The following NHLRC3 variants were observed in gnomAD, a reference collection of about 807,000 sequenced individuals.
NHLRC3 encodes NHL repeat containing 3.
Under a neutral mutation model 32.0 loss-of-function variants are expected in NHLRC3, and 23 were observed. The ratio of observed to expected loss-of-function variants is 0.72; its 90% CI spans 0.52 to 1.02. NHLRC3 has a LOEUF of 1.02. NHLRC3 is among the 50% of genes least tolerant of loss of function. The probability of loss-of-function intolerance (pLI) is 0.00; values close to 1 mark genes in which losing one functional copy is unlikely to be tolerated. For synonymous variants in NHLRC3, 159 were observed against 147.9 expected (o/e 1.08, Z -0.55); for missense variants, 407 against 406.8 (o/e 1.00, Z -0.01).
intron 4 of NHLRC3, among the ~76,000 whole-genome samples, chr13:39,043,145 T>G (rs759128588): frequency 2.6e-5 from 4 of 152,194 alleles, no homozygotes; most frequent in Non-Finnish European, 5.9e-5. Context: ...AGTCAATTTA[T>G]CAATTAGTAA....
chr13:39,046,283 C>T (rs1227837931), intron 5 of NHLRC3, among the ~76,000 whole-genome samples: 1 of 152,162 alleles, frequency 6.6e-6, no homozygotes, highest in Non-Finnish European at 1.5e-5. Flanking sequence ...TGCGCCACTG[C>T]ACTCCAGCCT....
chr13:39,044,080 C>T lies in NHLRC3; in HGVS notation c.587-10C>T. 1 of 1,594,072 alleles carries T rather than the reference C, an allele frequency of 6.3e-7. No homozygotes were observed. Among genetic ancestry groups the T allele is most frequent in the Non-Finnish European group, 8.6e-7 (1 of 1,161,878 alleles). On this transcript the variant is annotated splice_polypyrimidine_tract_variant and intron_variant, in intron 4 of 6. Coordinates refer to ENST00000379600, the MANE Select transcript of NHLRC3 (RefSeq NM_001012754.4). ...ATGTTGCTCTGACTATATATTTTTACCGTTTATAGATTTCATGATCCTTTG... is the reference window on the plus strand; with the variant it reads ...ATGTTGCTCTGACTATATATTTTTATCGTTTATAGATTTCATGATCCTTTG...
chr13:39,040,261 T>A (rs1417832297), intron 3 of NHLRC3: 2 of 151,814 alleles, frequency 1.3e-5, no homozygotes, highest in African/African-American at 2.4e-5. Flanking sequence ...TTGTCTAGGG[T>A]CTTTTCCTCT....
chr13:39,045,504 ATAAT>A (rs1871634340), intron 5 of NHLRC3, among the ~76,000 whole-genome samples: 2 of 152,202 alleles, frequency 1.3e-5, no homozygotes, highest in African/African-American at 2.4e-5. Flanking sequence ...AGCATTTTAC[ATAAT>A]TAATTCATTT....
chr13:39,042,399 C>T (rs1309956833), intron 4 of NHLRC3, 94 bp downstream of exon 4: 30 of 778,816 alleles, frequency 3.9e-5, no homozygotes, highest in South Asian at 3.5e-4. Context: ...GTGTATGAAG[C>T]GGTGTGTAAA....
chr13:39,039,078 C>CGTT, intron 1 of NHLRC3, 58 bp from the exon 2 acceptor site: 120 of 1,037,854 alleles, frequency 1.2e-4, no homozygotes, highest in Non-Finnish European at 1.6e-4. Flanking sequence ...CCCCCCCGCC[C>CGTT]TTTTTTTGTT....
At chr13:39,043,972 C>G in intron 4 of NHLRC3, 118 bp from the exon 5 acceptor site, 3 of 746,476 alleles carry the variant, frequency 4.0e-6, no homozygotes, top group Non-Finnish European at 7.0e-6. Flanking sequence ...GCCGAGAAAG[C>G]ATAGTCAAGT....
In NHLRC3 at chr13:39,042,088, C is replaced by T; in HGVS notation, c.386-17C>T. ...ATAGTGGTTTTATTTGTGAGATGTA[C>T]ATATCTATCTTTATAGGATTCTTTG... On this transcript the variant is annotated splice_polypyrimidine_tract_variant and intron_variant, in intron 3 of 6. Transcript: ENST00000379600. The T allele has an allele frequency of 7.1e-7, 1 of 1,417,840 alleles. No individual in the cohort carries two copies. Among genetic ancestry groups the T allele is most frequent in the Non-Finnish European group, 1.0e-6 (1 of 1,002,228 alleles). The allele number at this position is 1,417,840 out of a possible 1,614,324, so 87.8% of individuals were successfully genotyped here.
chr13:39,047,677 T>A lies in NHLRC3; in HGVS notation c.795T>A (p.Phe265Leu), dbSNP rs2138158373. The change falls in exon 7 of 7, where the codon TTT becomes TTA. Residue 265 changes from phenylalanine (F) to leucine (L), a missense_variant. Transcript: ENST00000379600. ...FTEEGPSSVR[F>L]TPDGKYLIVA... ...TGTTAAATGTCTTTCTCCTTAGGTT[T>A]ACTCCTGATGGGAAGTACTTGATTG... 1 of 1,612,516 alleles carries A rather than the reference T, an allele frequency of 6.2e-7. No individual in the cohort carries two copies. The highest frequency in any genetic ancestry group is 2.2e-5 in the East Asian group (1 of 44,828).
chr13:39,039,078 C>CCCCGT, intron 1 of NHLRC3, 58 bp from the exon 2 acceptor site: 1 of 1,038,072 alleles, frequency 9.6e-7, no homozygotes, highest in Non-Finnish European at 1.4e-6. Flanking sequence ...CCCCCCCGCC[C>CCCCGT]TTTTTTTGTT....
At chr13:39,043,887 T>G (rs750315030) in intron 4 of NHLRC3, among the ~76,000 whole-genome samples, 1 of 151,958 alleles carries the variant, frequency 6.6e-6, no homozygotes, top group Non-Finnish European at 1.5e-5. Flanking sequence ...AGAAGTAGAT[T>G]AATTCCCTAA....
In NHLRC3 at chr13:39,047,128, C is replaced by G. The variant is rs774996953; in HGVS notation, c.767C>G (p.Thr256Arg). 6.9e-6 allele frequency: 11 copies of G among 1,604,670 alleles called. No individual in the cohort carries two copies. In the African/African-American group the frequency reaches 1.1e-4, roughly 16 times the overall value. Residue 256 changes from threonine (T) to arginine (R), a missense_variant, in exon 6 of 7, where the codon ACA (threonine) becomes AGA (arginine). Transcript: ENST00000379600. ...TTAGGAGCATGGAATAATTGTTTCA[C>G]AGAAGAGGGACCTTCTTCAGTCAGG... Reference protein sequence around the residue: ...EWLGAWNNCFTEEGPSSVRFT... With the variant: ...EWLGAWNNCFREEGPSSVRFT...
intron 1 of NHLRC3, 79 bp downstream of exon 1, chr13:39,038,802 A>AG (rs1871318868): frequency 1.9e-5 from 23 of 1,189,786 alleles, no homozygotes; most frequent in Non-Finnish European, 2.8e-5. Context: ...CGTGGCATGG[A>AG]GGTGGCAGGC....
rs1396537127 is a variant in NHLRC3 at position 39,038,531 on chromosome 13, CG to C, written c.-106del. 1 of 889,098 alleles carries C rather than the reference CG, an allele frequency of 1.1e-6. No individual in the cohort carries two copies. The highest frequency in any genetic ancestry group is 1.9e-6 in the Non-Finnish European group (1 of 530,742). The allele number at this position is 889,098 out of a possible 1,614,324, so 55.1% of individuals were successfully genotyped here. On this transcript the variant is annotated 5_prime_UTR_variant, in exon 1 of 7. Coordinates refer to ENST00000379600, the MANE Select transcript of NHLRC3 (RefSeq NM_001012754.4). The stretch of plus-strand genomic sequence containing the variant: ...GAGGGGAAACCGGAGATAGGGTCTT[CG>C]GGCCCCGGGCAGACCCTCTGTGCCG...
chr13:39,042,174 G>A lies in NHLRC3; in HGVS notation c.455G>A (p.Gly152Asp), dbSNP rs747843309. 1 of 1,611,800 alleles carries A rather than the reference G, an allele frequency of 6.2e-7. No individual in the cohort carries two copies. Among genetic ancestry groups the A allele is most frequent in the South Asian group, 1.1e-5 (1 of 91,026 alleles). ...CTTGTTCAAGTCTTGGGTACTCCAGGCAAAAAAGGCACTAGTTTGAATCCT... is the reference window on the plus strand; with the variant it reads ...CTTGTTCAAGTCTTGGGTACTCCAGACAAAAAAGGCACTAGTTTGAATCCT... ...GDLVQVLGTP[G>D]KKGTSLNPLQ... Residue 152 changes from glycine (G) to aspartate (D), a missense_variant, in exon 4 of 7, where the codon GGC (glycine) becomes GAC (aspartate). Physicochemically the swap from Gly to Asp is moderately conservative, Grantham distance 94 (BLOSUM62 -1). Coordinates refer to ENST00000379600, the MANE Select transcript of NHLRC3 (RefSeq NM_001012754.4).
intron 5 of NHLRC3, among the ~76,000 whole-genome samples, chr13:39,046,325 TAAAAA>T (rs369797933): frequency 2.0e-4 from 31 of 151,338 alleles, no homozygotes; most frequent in Non-Finnish European, 3.1e-4. Flanking sequence ...TCTCAAAAAA[TAAAAA>T]AAACCATTTC....
chr13:39,044,993 A>C (rs1489733520), intron 5 of NHLRC3, among the ~76,000 whole-genome samples: 1 of 152,198 alleles, frequency 6.6e-6, no homozygotes, highest in Non-Finnish European at 1.5e-5. Flanking sequence ...TGTGCCTAGT[A>C]CACAGTAGTC....
In NHLRC3 at chr13:39,049,939, T is replaced by A. The variant is rs1003672910; in HGVS notation, c.*2013T>A. ...ATTTCTGAATGTCTTTGTAAAAGTG[T>A]TTGTTAGTGTACCTGTGATTATAGT... On this transcript the variant is annotated 3_prime_UTR_variant, in exon 7 of 7. Coordinates refer to ENST00000379600, the MANE Select transcript of NHLRC3 (RefSeq NM_001012754.4). 1 of 152,234 alleles carries A rather than the reference T, an allele frequency of 6.6e-6. No homozygotes were observed. The highest frequency in any genetic ancestry group is 1.5e-5 in the Non-Finnish European group (1 of 68,038). 9.4% of individuals were successfully genotyped at this position (152,234 alleles called of 1,614,324 possible). A position where few individuals can be genotyped will look rare whatever the true frequency, so the allele number is the denominator to read the frequency against.
chr13:39,047,626 TTA>T, intron 6 of NHLRC3, 46 bp from the exon 7 acceptor site: 3 of 1,534,430 alleles, frequency 2.0e-6, no homozygotes, highest in Non-Finnish European at 2.7e-6. Context: ...AAAAATACCC[TTA>T]TGTTTTTTCA....
Sources: allele counts gnomAD v4.1 joint callset (sites outside exome capture counted in the v4.1 genomes callset), GRCh38; gene constraint gnomAD v4.1.1; transcripts MANE v1.5; gene names NCBI Gene and HGNC (gene_info 2026-07-23, HGNC 2026-07-21).